The following FAT2 variants were observed in gnomAD, a reference collection of about 807,000 sequenced individuals.
FAT2 encodes FAT atypical cadherin 2, also known as protocadherin Fat 2.
In FAT2, 150 loss-of-function variants were observed where a neutral mutation model predicts 295.3. The ratio of observed to expected loss-of-function variants is 0.51; its 90% confidence interval spans 0.44 to 0.58. The LOEUF is 0.58. Ranked by LOEUF, FAT2 falls within the 20% of genes least tolerant of loss-of-function variation. FAT2 has a pLI of 0.00. For missense variants in FAT2, 4,868 were observed against 5,442.7 expected, an observed-to-expected ratio of 0.89 and a Z score of 3.32; for synonymous variants, 2,026 against 2,150.3, an observed-to-expected ratio of 0.94 and a Z score of 1.60.
At position 151,542,759 on chromosome 5, in the gene FAT2, C is replaced by T. The variant is rs369823725; in HGVS notation, c.8368G>A (p.Val2790Ile). The T allele has an allele frequency of 1.4e-5, 22 of 1,614,222 alleles. No homozygotes were observed. Among genetic ancestry groups the T allele is most frequent in the East Asian group, 4.5e-5 (2 of 44,878 alleles). ...LVSVNIQVGD[V>I]NDNRPVFEAD... is the part of the protein sequence containing the mutation. ...TCAAATACAGGCCTATTGTCATTGA[C>T]GTCTCCCACTTGGATGTTGACAGAG... The change falls in exon 10 of 24, where the codon GTC (valine) becomes ATC (isoleucine). Residue 2790 changes from valine to isoleucine, a missense_variant. Val to Ile is a conservative substitution (Grantham distance 29). Coordinates refer to ENST00000261800, the MANE Select transcript of FAT2 (RefSeq NM_001447.3).
chr5:151,537,247 A>G (rs1233006876), intron 12 of FAT2, among the ~76,000 whole-genome samples: 1 of 150,992 alleles, frequency 6.6e-6, no homozygotes, highest in African/African-American at 2.4e-5. Context: ...AAGAAGAAAA[A>G]GGAGAATAAT....
chr5:151,505,830 C>T lies in FAT2; in HGVS notation c.12785G>A (p.Arg4262His), dbSNP rs750561477. Residue 4262 changes from arginine (R) to histidine (H), a missense_variant, in exon 24 of 24, where the codon CGC (arginine) becomes CAC (histidine). By Grantham distance (29) the Arg-to-His change is conservative. Around this residue, in one of 5 missense-constraint regions of FAT2, gnomAD observed 492 missense variants for 482.6 expected, o/e 1.02. Coordinates refer to ENST00000261800, the MANE Select transcript of FAT2 (RefSeq NM_001447.3). Reference sequence around the variant, plus strand: ...CTCATTGAGACAGGGGGCAACCAGGCGCTCCCGGGGACTAGGGGGCCGAGA... The same window carrying T: ...CTCATTGAGACAGGGGGCAACCAGGTGCTCCCGGGGACTAGGGGGCCGAGA... ...MPSRPPSPRE[R>H]LVAPCLNEYT... 30 of 1,613,396 alleles carry T rather than the reference C, an allele frequency of 1.9e-5. No homozygotes were observed. The highest frequency in any genetic ancestry group is 8.0e-5 in the African/African-American group (6 of 75,008).
intron 20 of FAT2, 45 bp downstream of exon 20, chr5:151,517,575 G>A: frequency 6.2e-7 from 1 of 1,611,240 alleles, no homozygotes; most frequent in Non-Finnish European, 8.5e-7. Context: ...TACCTCCCCA[G>A]CCTGGGACAC....
intron 23 of FAT2, among the ~76,000 whole-genome samples, 180 bp from the exon 24 acceptor site, chr5:151,506,277 T>C (rs1439015504): frequency 6.6e-6 from 1 of 152,220 alleles, no homozygotes; most frequent in African/African-American, 2.4e-5. Context: ...TGGGACAAGC[T>C]CAAGGCTAGA....
rs1300472611 is a variant in FAT2, at chr5:151,537,796, T to C, written c.9190A>G (p.Thr3064Ala). The change falls in exon 12 of 24, where the codon ACA becomes GCA. Residue 3064 changes from threonine to alanine, a missense_variant. Coordinates refer to ENST00000261800, the MANE Select transcript of FAT2 (RefSeq NM_001447.3). ...TCCTGCAGCTCAGGAAACCCACCTG[T>C]ATGAGGATCCAGCTTGAATTCATGC... ...GAHEFKLDPH[T>A]GELTTLTALD... 6.2e-6 allele frequency: 10 copies of C among 1,609,934 alleles called. No homozygotes were observed. In the African/African-American group the frequency reaches 1.3e-4, roughly 22 times the overall value.
intron 1 of FAT2, among the ~76,000 whole-genome samples, chr5:151,582,362 G>A (rs932313913): frequency 1.3e-5 from 2 of 152,224 alleles, no homozygotes; most frequent in Admixed American, 6.5e-5. Flanking sequence ...GGGTCTGTCT[G>A]TGTTCTCATC....
chr5:151,549,251 A>T lies in FAT2; in HGVS notation c.4789+44T>A, dbSNP rs368425928. On this transcript the variant is annotated intron_variant, in intron 9 of 23. Coordinates refer to ENST00000261800, the MANE Select transcript of FAT2 (RefSeq NM_001447.3). ...CCTCTAGTGCTTTCCTTTATTTCTA[A>T]AGCATCTTGACCCATCCTCTGAGCT... The T allele has an allele frequency of 1.4e-5, 22 of 1,575,442 alleles. No homozygotes were observed. The African/African-American group carries it at 2.7e-4, about 19-fold the overall frequency.
rs2127590664 is a variant in FAT2, at chr5:151,531,494, C to G, written c.9811+93G>C. 3.9e-6 allele frequency: 6 copies of G among 1,523,028 alleles called. No homozygotes were observed. Among genetic ancestry groups the G allele is most frequent in the Non-Finnish European group, 5.3e-6 (6 of 1,122,492 alleles). The allele number at this position is 1,523,028 out of a possible 1,614,324, so 94.3% of individuals were successfully genotyped here. A position where few individuals can be genotyped will look rare whatever the true frequency, so the allele number is the denominator to read the frequency against. ...CAGAGGAGGTCTGCTCTGGGAGGCG[C>G]TGCACAGGGTAGATACCCACACAGG... is the stretch of plus-strand genomic sequence containing the variant. On this transcript the variant is annotated intron_variant, in intron 14 of 23. Coordinates refer to ENST00000261800, the MANE Select transcript of FAT2 (RefSeq NM_001447.3). The surrounding 1 kb of genome is among the most constrained non-coding windows in gnomAD (Gnocchi z 5.7).
intron 21 of FAT2, chr5:151,510,889 A>C (rs981817188): frequency 6.6e-6 from 1 of 152,336 alleles, no homozygotes; most frequent in African/African-American, 2.4e-5. Flanking sequence ...CTCAAACCAC[A>C]CCAGGGTGGG....
Position 151,521,405 on chromosome 5 carries a change from G to T in FAT2, c.11188C>A (p.Pro3730Thr). The T allele has an allele frequency of 2.5e-6, 4 of 1,614,174 alleles. No individual in the cohort carries two copies. Among genetic ancestry groups the T allele is most frequent in the Non-Finnish European group, 3.4e-6 (4 of 1,180,020 alleles). Residue 3730 changes from proline to threonine, a missense_variant, in exon 19 of 24, where the codon CCA (proline) becomes ACA (threonine). Coordinates refer to ENST00000261800, the MANE Select transcript of FAT2 (RefSeq NM_001447.3). ...SAMPMVPCQG[P>T]TCQGQICHNT... ...TGGCAGATTTGACCCTGGCAGGTTG[G>T]CCCCTGGCAGGGCACCATGGGCATA...
In FAT2 at chr5:151,556,390, G is replaced by C; in HGVS notation, c.3587C>G (p.Thr1196Arg). The C allele has an allele frequency of 6.2e-7, 1 of 1,613,592 alleles. No individual in the cohort carries two copies. Among genetic ancestry groups the C allele is most frequent in the South Asian group, 1.1e-5 (1 of 91,042 alleles). The stretch of plus-strand genomic sequence containing the variant: ...GTTCTCTCTGTCCAGCTGCTGGGCT[G>C]TAGATAGGAGACCTGAGAGAGAGAT... ...MIHPVTGLLS[T>R]AQQLDRENKD... Residue 1196 changes from threonine (T) to arginine (R), a missense_variant, in exon 4 of 24, where the codon ACA becomes AGA. This residue lies in a region of FAT2 where 3,297 missense variants were observed against 3,669.4 expected (regional missense o/e 0.90). Coordinates refer to ENST00000261800, the MANE Select transcript of FAT2 (RefSeq NM_001447.3).
chr5:151,548,973 A>G (rs903651745), intron 9 of FAT2, among the ~76,000 whole-genome samples: 8 of 152,226 alleles, frequency 5.3e-5, no homozygotes, highest in African/African-American at 1.9e-4. Flanking sequence ...TCTAAGATAC[A>G]TGCATGAAGT....
chr5:151,539,871 G>T (rs1464274976), intron 11 of FAT2, among the ~76,000 whole-genome samples: 1 of 152,174 alleles, frequency 6.6e-6, no homozygotes, highest in African/African-American at 2.4e-5. Context: ...CCTTAGGAAA[G>T]TATCCCTCAC....
intron 23 of FAT2, 152 bp downstream of exon 23, chr5:151,507,002 G>T: frequency 1.6e-6 from 1 of 643,276 alleles, no homozygotes; most frequent in Non-Finnish European, 2.6e-6. Context: ...CAGCATCCGT[G>T]CCCTGTAATC....
chr5:151,522,118 A>T, intron 18 of FAT2, 32 bp from the exon 19 acceptor site: 1 of 1,511,018 alleles, frequency 6.6e-7, no homozygotes, highest in Non-Finnish European at 9.0e-7. Context: ...CTGTCACCCA[A>T]CAGAACTGCA....
intron 2 of FAT2, among the ~76,000 whole-genome samples, chr5:151,563,860 C>T (rs1418380340): frequency 6.6e-6 from 1 of 152,230 alleles, no homozygotes; most frequent in Non-Finnish European, 1.5e-5. Flanking sequence ...GAGCCTTCCT[C>T]TGCTAAAATG....
chr5:151,561,575 C>T (rs540888137), intron 3 of FAT2, among the ~76,000 whole-genome samples: 19 of 152,242 alleles, frequency 1.2e-4, no homozygotes, highest in South Asian at 6.2e-4. Context: ...ATGTTTTGTA[C>T]GGATGGGATT....
chr5:151,542,423 T>C lies in FAT2; in HGVS notation c.8704A>G (p.Asn2902Asp). 1 of 1,614,150 alleles carries C rather than the reference T, an allele frequency of 6.2e-7. No homozygotes were observed. The highest frequency in any genetic ancestry group is 1.6e-4 in the Middle Eastern group (1 of 6,062). The change falls in exon 10 of 24, where the codon AAT becomes GAT. Residue 2902 changes from asparagine to aspartate, a missense_variant. This residue lies in a region of FAT2 where 3,297 missense variants were observed against 3,669.4 expected (regional missense o/e 0.90). Transcript: ENST00000261800. ...TCTTCAGAAGCAAATCGGGGAGCAT[T>C]GTCATTCTCATCTGTAATGGAGACC... is the stretch of plus-strand genomic sequence containing the variant. ...VQVSITDENDNAPRFASEEYR... is the reference protein window; with the variant it reads ...VQVSITDENDDAPRFASEEYR...
rs112578211 is a variant in FAT2 at position 151,519,023 on chromosome 5, A to G, written c.11318-1258T>C. ...AAAAGGAGGAGAAGAAAGAACCAGA[A>G]AAGATGAGGCACAAGGGATTATAAC... On this transcript the variant is annotated intron_variant, in intron 19 of 23. Coordinates refer to ENST00000261800, the MANE Select transcript of FAT2 (RefSeq NM_001447.3). 1.0e-3 allele frequency among the ~76,000 whole-genome samples: 157 copies of G among 152,310 alleles called. 1 individual carries two copies. Among genetic ancestry groups the G allele is most frequent in the Non-Finnish European group, 2.0e-3 (136 of 68,026 alleles).
Sources: gnomAD v4.1 joint callset for allele counts (sites outside exome capture counted in the v4.1 genomes callset) on GRCh38, gnomAD v4.1.1 for gene constraint, gnomAD v4.1.1 regional missense constraint, Gnocchi (gnomAD v3.1) non-coding constraint, MANE v1.5 for transcripts, NCBI Gene and HGNC (gene_info 2026-07-23, HGNC 2026-07-21) for gene names.